The following NLGN4X variants were observed in gnomAD, a reference collection of about 807,000 sequenced individuals.
NLGN4X encodes the protein neuroligin-4, X-linked.
A neutral mutation model predicts 40.3 loss-of-function variants in NLGN4X; 3 were observed. That is an observed-to-expected ratio of 0.07 (90% CI 0.03 to 0.19). The LOEUF (loss-of-function observed/expected upper bound fraction) is 0.19. Among genes scored for constraint, NLGN4X ranks in the 10% least tolerant of loss-of-function variants. The probability of loss-of-function intolerance (pLI) is 1.00; values close to 1 mark genes in which losing one functional copy is unlikely to be tolerated. For missense variants in NLGN4X, 382 were observed against 708.3 expected (o/e 0.54, Z 5.23); for synonymous variants, 270 against 306.8 (o/e 0.88, Z 1.25).
intron 1 of NLGN4X, among the ~76,000 whole-genome samples, chrX:6,164,391 T>C (rs2040459316): frequency 8.9e-6 from 1 of 112,322 alleles, no homozygotes; most frequent in African/African-American, 3.2e-5. Flanking sequence ...TGAGTTCTTC[T>C]ACAAAGGAAA....
intron 3 of NLGN4X, among the ~76,000 whole-genome samples, chrX:5,988,145 G>T (rs2035579966): frequency 1.8e-5 from 2 of 111,643 alleles, no homozygotes; most frequent in African/African-American, 6.5e-5. Context: ...CTTCTCAATG[G>T]ACACACTTCC....
Position 6,128,520 on chromosome X carries a change from T to C in NLGN4X, c.472+22475A>G, listed in dbSNP as rs551863934. Among the ~76,000 whole-genome samples the C allele has an allele frequency of 1.9e-4, 21 of 112,268 alleles. No homozygotes were observed. In the South Asian group the frequency reaches 7.6e-3, roughly 41 times the overall value. Reference sequence around the variant, plus strand: ...TTGTATTGTATCTCTAATTATGTAATGGATTCTACATTGTTAAAAATTTTG... The same window carrying C: ...TTGTATTGTATCTCTAATTATGTAACGGATTCTACATTGTTAAAAATTTTG... On this transcript the variant is annotated intron_variant, in intron 2 of 5. Coordinates refer to ENST00000381095, the MANE Select transcript of NLGN4X (RefSeq NM_181332.3).
chrX:6,048,430 T>C (rs2037383496), intron 2 of NLGN4X, among the ~76,000 whole-genome samples: 1 of 111,746 alleles, frequency 8.9e-6, no homozygotes, highest in African/African-American at 3.3e-5. Flanking sequence ...CTGGAAGCAC[T>C]GATGATTCAA....
Position 6,179,207 on chromosome X carries a change from C to T in NLGN4X, c.-305-27436G>A, listed in dbSNP as rs746467964. 2.7e-5 allele frequency among the ~76,000 whole-genome samples: 3 copies of T among 110,710 alleles called. No homozygotes were observed. The South Asian group carries it at 1.2e-3, about 43-fold the overall frequency. On this transcript the variant is annotated intron_variant, in intron 1 of 5. Transcript: ENST00000381095. ...ATTGAGATAATTTACAAAGCTACAA[C>T]ATCAAACACAAGCTTTTGAAGGACT...
intron 1 of NLGN4X, among the ~76,000 whole-genome samples, chrX:6,155,744 GCA>G (rs1325676486): frequency 1.8e-5 from 2 of 112,119 alleles, no homozygotes; most frequent in African/African-American, 3.2e-5. Flanking sequence ...AGAGTTCTTT[GCA>G]CAGTCACCTA....
chrX:5,973,004 T>C (rs1446128180), intron 3 of NLGN4X, among the ~76,000 whole-genome samples: 1 of 112,508 alleles, frequency 8.9e-6, no homozygotes, highest in African/African-American at 3.2e-5. Context: ...GTTTCAAATA[T>C]ATAGATTGCT....
intron 3 of NLGN4X, among the ~76,000 whole-genome samples, chrX:5,970,019 G>A (rs1299568418): frequency 9.6e-5 from 7 of 72,684 alleles, no homozygotes; most frequent in African/African-American, 3.9e-4. Context: ...ACCGGGGCCT[G>A]TTGTGGGGTG....
At chrX:6,218,401 A>C (rs1017513025) in intron 1 of NLGN4X, among the ~76,000 whole-genome samples, 4 of 110,839 alleles carry the variant, frequency 3.6e-5, no homozygotes, top group African/African-American at 1.3e-4. Flanking sequence ...TTAACTATTT[A>C]AGAAAGATGT....
chrX:5,960,101 C>T (rs1016736006), intron 3 of NLGN4X, among the ~76,000 whole-genome samples: 1 of 111,040 alleles, frequency 9.0e-6, no homozygotes, highest in Non-Finnish European at 1.9e-5. Context: ...GATAAGTGTT[C>T]CAAATAACAG....
At chrX:6,087,929 A>C (rs1294985120) in intron 2 of NLGN4X, among the ~76,000 whole-genome samples, 1 of 112,089 alleles carries the variant, frequency 8.9e-6, no homozygotes, top group Non-Finnish European at 1.9e-5. Flanking sequence ...GGACTCATTT[A>C]CAAGTTTTTC....
In NLGN4X at chrX:6,113,748, CTTATCCATCCA is replaced by C. The variant is rs760742472; in HGVS notation, c.472+37236_472+37246del. 6.4e-5 allele frequency among the ~76,000 whole-genome samples: 7 copies of C among 109,987 alleles called. No individual in the cohort carries two copies. The South Asian group carries it at 2.7e-3, about 42-fold the overall frequency. On this transcript the variant is annotated intron_variant, in intron 2 of 5. Transcript: ENST00000381095. The stretch of plus-strand genomic sequence containing the variant: ...AATAGCAGATGGACTTAAGGACTGA[CTTATCCATCCA>C]TAACTGAGTGATTGCAGTCTGCAGA...
rs529608747 is a variant in NLGN4X at position 6,114,521 on chromosome X, A to AACACAC, written c.472+36468_472+36473dup. Among the ~76,000 whole-genome samples the AACACAC allele has an allele frequency of 7.6e-3, 725 of 95,661 alleles. 7 individuals carry two copies. The highest frequency in any genetic ancestry group is 0.024 in the African/African-American group (623 of 26,297). The allele number at this position is 95,661 out of a possible 115,157, so 83.1% of individuals were successfully genotyped here. On this transcript the variant is annotated intron_variant, in intron 2 of 5. Transcript: ENST00000381095. ...TCAGCCTCTTTCCATCAAAGTGGCA[A>AACACAC]ACACACACACACACACACACACACA... is the stretch of plus-strand genomic sequence containing the variant.
intron 3 of NLGN4X, among the ~76,000 whole-genome samples, chrX:6,005,967 T>C (rs2036092703): frequency 9.0e-6 from 1 of 111,582 alleles, no homozygotes; most frequent in Non-Finnish European, 1.9e-5. Context: ...TATAAGCATA[T>C]CTACTCCATT....
chrX:6,101,370 T>A (rs1205963364), intron 2 of NLGN4X, among the ~76,000 whole-genome samples: 1 of 111,931 alleles, frequency 8.9e-6, no homozygotes, highest in Non-Finnish European at 1.9e-5. Context: ...CACACCCCCA[T>A]GTTTGTTGCA....
chrX:6,011,429 T>C (rs1368340799), intron 3 of NLGN4X, among the ~76,000 whole-genome samples: 2 of 110,073 alleles, frequency 1.8e-5, no homozygotes, highest in Non-Finnish European at 3.8e-5. Flanking sequence ...CAGGAATTTC[T>C]GGCATGATCC....
chrX:6,036,608 G>GTGCA lies in NLGN4X; in HGVS notation c.473-7177_473-7176insTGCA, dbSNP rs1555955013. Among the ~76,000 whole-genome samples, 19 of 75,638 alleles carry GTGCA rather than the reference G, an allele frequency of 2.5e-4. No homozygotes were observed. The Admixed American group carries it at 2.8e-3, about 11-fold the overall frequency. The allele number at this position is 75,638 out of a possible 115,157, so 65.7% of individuals were successfully genotyped here. ...CAAGAATAAACCCAGCTTGTGGCTG[G>GTGCA]CGCACACACACACACACACACACAC... On this transcript the variant is annotated intron_variant, in intron 2 of 5. Coordinates refer to ENST00000381095, the MANE Select transcript of NLGN4X (RefSeq NM_181332.3).
chrX:5,970,836 T>A (rs962290393), intron 3 of NLGN4X, among the ~76,000 whole-genome samples: 1 of 111,956 alleles, frequency 8.9e-6, no homozygotes, highest in African/African-American at 3.2e-5. Flanking sequence ...TGCCAATAAT[T>A]AGACTAATGA....
At chrX:6,143,025 T>C (rs1467306395) in intron 2 of NLGN4X, among the ~76,000 whole-genome samples, 1 of 112,309 alleles carries the variant, frequency 8.9e-6, no homozygotes, top group Non-Finnish European at 1.9e-5. Flanking sequence ...TCAACATTTA[T>C]TATGCCTAGA....
intron 3 of NLGN4X, among the ~76,000 whole-genome samples, chrX:6,001,180 A>G (rs980967572): frequency 9.0e-6 from 1 of 111,670 alleles, no homozygotes; most frequent in Non-Finnish European, 1.9e-5. Flanking sequence ...GCTCCCTCCC[A>G]TGACACATGG....
Sources: allele counts gnomAD v4.1 joint callset (sites outside exome capture counted in the v4.1 genomes callset), GRCh38; gene constraint gnomAD v4.1.1; transcripts MANE v1.5; gene names NCBI Gene and HGNC (gene_info 2026-07-23, HGNC 2026-07-21).